The following TRAPPC9 variants were observed in gnomAD, a reference collection of about 807,000 sequenced individuals.
TRAPPC9 encodes the protein IKK2 binding protein.
A neutral mutation model predicts 124.0 loss-of-function variants in TRAPPC9; 83 were observed. The ratio of observed to expected loss-of-function variants is 0.67; its 90% CI spans 0.56 to 0.80. The LOEUF is 0.80. Among genes scored for constraint, TRAPPC9 ranks in the 30% least tolerant of loss-of-function variants. TRAPPC9 has a pLI of 0.00. For synonymous variants in TRAPPC9, 638 were observed against 617.5 expected, an observed-to-expected ratio of 1.03 and a Z score of -0.49; for missense variants, 1,302 against 1,508.3, an observed-to-expected ratio of 0.86 and a Z score of 2.27.
At chr8:140,222,382 C>T (rs1341111506) in intron 16 of TRAPPC9, among the ~76,000 whole-genome samples, 3 of 152,170 alleles carry the variant, frequency 2.0e-5, no homozygotes, top group African/African-American at 7.2e-5. Context: ...CATCTCACGT[C>T]GCATGTCCAA....
rs188102861 is a variant in TRAPPC9, at chr8:139,849,280, T to C, written c.3055+36599A>G. Among the ~76,000 whole-genome samples the C allele has an allele frequency of 4.6e-5, 7 of 152,350 alleles. No individual in the cohort carries two copies. In the East Asian group the frequency reaches 1.4e-3, roughly 29 times the overall value. On this transcript the variant is annotated intron_variant, in intron 21 of 22. Transcript: ENST00000438773. ...TTGGGCCATTAAGACACTGCTCTCT[T>C]GACACCAGGAGAGGTTCCCTGTTGA...
chr8:139,983,868 A>G (rs2131680052), intron 19 of TRAPPC9, among the ~76,000 whole-genome samples: 1 of 152,294 alleles, frequency 6.6e-6, no homozygotes, highest in East Asian at 1.9e-4. Context: ...ACGGGGTTCC[A>G]CAAAGTGGCT....
intron 17 of TRAPPC9, among the ~76,000 whole-genome samples, chr8:140,138,092 G>A (rs979528757): frequency 6.6e-6 from 1 of 152,206 alleles, no homozygotes; most frequent in African/African-American, 2.4e-5. Context: ...CTTAAGGTCA[G>A]GAGTTTGAGA....
chr8:139,902,028 G>A (rs1461728703), intron 20 of TRAPPC9, among the ~76,000 whole-genome samples: 4 of 152,132 alleles, frequency 2.6e-5, no homozygotes, highest in Admixed American at 2.0e-4. Context: ...CATAAGCTAC[G>A]CATGCTCACA....
At chr8:140,214,139 G>A (rs1322984897) in intron 17 of TRAPPC9, among the ~76,000 whole-genome samples, 3 of 152,222 alleles carry the variant, frequency 2.0e-5, no homozygotes, top group African/African-American at 4.8e-5. Flanking sequence ...GGGCATTTCT[G>A]CAGCCCCAGT....
At chr8:139,954,457 C>T (rs1303211849) in intron 19 of TRAPPC9, among the ~76,000 whole-genome samples, 1 of 152,078 alleles carries the variant, frequency 6.6e-6, no homozygotes, top group Non-Finnish European at 1.5e-5. Context: ...GGATTAGTGT[C>T]CTTATAAGAA....
intron 8 of TRAPPC9, among the ~76,000 whole-genome samples, chr8:140,366,718 T>C (rs923182534): frequency 2.0e-5 from 3 of 152,170 alleles, no homozygotes; most frequent in African/African-American, 7.2e-5. Context: ...AAAGAAAGAA[T>C]TGATAAGCTA....
chr8:140,402,658 T>C (rs1202354904), intron 6 of TRAPPC9, among the ~76,000 whole-genome samples: 1 of 150,510 alleles, frequency 6.6e-6, no homozygotes. Context: ...ATCACGCCAC[T>C]GCACTCCAGC....
upstream of TRAPPC9, chr8:140,458,198 A>G: frequency 6.5e-7 from 1 of 1,549,794 alleles, no homozygotes; most frequent in Non-Finnish European, 8.7e-7. Flanking sequence ...GGACCGGAGC[A>G]AGAGAACAGA....
At chr8:140,218,025 A>C (rs2063240432) in intron 17 of TRAPPC9, among the ~76,000 whole-genome samples, 1 of 152,144 alleles carries the variant, frequency 6.6e-6, no homozygotes, top group Non-Finnish European at 1.5e-5. Context: ...TCCAAAAAAA[A>C]AAAAAAGTCA....
intron 18 of TRAPPC9, among the ~76,000 whole-genome samples, chr8:139,989,232 A>G (rs76962479): frequency 1.2e-3 from 177 of 152,330 alleles, no homozygotes; most frequent in African/African-American, 4.0e-3. Context: ...CCATTCAAGG[A>G]TGCTGTGTCC....
chr8:140,435,227 T>C lies in TRAPPC9; in HGVS notation c.744A>G (p.Gly248=). The C allele has an allele frequency of 6.2e-7, 1 of 1,613,758 alleles. No individual in the cohort carries two copies. The change falls in exon 4 of 23, where the codon GGA becomes GGG. Residue 248 remains glycine (G), a synonymous_variant. Coordinates refer to ENST00000438773, the MANE Select transcript of TRAPPC9 (RefSeq NM_001160372.4). ...DFLWLGAALE[G]LCSASVIYHY... ...GATAGATGACAGAAGCTGAACACAATCCTTCCAGGGCAGCTGGGCATTAAG... is the reference window on the plus strand; with the variant it reads ...GATAGATGACAGAAGCTGAACACAACCCTTCCAGGGCAGCTGGGCATTAAG...
In TRAPPC9 at chr8:140,422,248, C is replaced by T. The variant is rs73713126; in HGVS notation, c.886+4367G>A. ...TCCTAGAATCGTGAAGATTAAATTG[C>T]TTTAGGTGTAAAGTTTATATAGAGC... On this transcript the variant is annotated intron_variant, in intron 5 of 22. Coordinates refer to ENST00000438773, the MANE Select transcript of TRAPPC9 (RefSeq NM_001160372.4). 8.0e-3 allele frequency among the ~76,000 whole-genome samples: 1,203 copies of T among 150,542 alleles called. 11 individuals are homozygous for T. Among genetic ancestry groups the T allele is most frequent in the African/African-American group, 0.026 (1,034 of 40,302 alleles).
At chr8:139,846,717 G>A (rs554376477) in intron 21 of TRAPPC9, among the ~76,000 whole-genome samples, 2 of 152,156 alleles carry the variant, frequency 1.3e-5, no homozygotes, top group African/African-American at 2.4e-5. Context: ...AGGCCATCCC[G>A]GAGTTGGGCA....
At chr8:139,835,639 C>T (rs1487979323) in intron 21 of TRAPPC9, among the ~76,000 whole-genome samples, 1 of 152,184 alleles carries the variant, frequency 6.6e-6, no homozygotes, top group Non-Finnish European at 1.5e-5. Flanking sequence ...GGACAGCAGA[C>T]AAGAGACACT....
intron 21 of TRAPPC9, among the ~76,000 whole-genome samples, chr8:139,803,051 T>C (rs1298152912): frequency 6.6e-6 from 1 of 152,184 alleles, no homozygotes; most frequent in Non-Finnish European, 1.5e-5. Context: ...TGAAGGTGTC[T>C]GTGTGCCGTC....
intron 17 of TRAPPC9, among the ~76,000 whole-genome samples, chr8:140,193,744 T>C (rs2062560002): frequency 6.6e-6 from 1 of 151,934 alleles, no homozygotes; most frequent in African/African-American, 2.4e-5. Flanking sequence ...AGCATGCACT[T>C]TGAGGTCAGG....
At chr8:140,159,280 G>T (rs1011681278) in intron 17 of TRAPPC9, among the ~76,000 whole-genome samples, 2 of 152,174 alleles carry the variant, frequency 1.3e-5, no homozygotes, top group African/African-American at 4.8e-5. Context: ...CTACCAGAAT[G>T]CAGGCTCTAC....
chr8:140,360,162 C>T lies in TRAPPC9; in HGVS notation c.1383G>A (p.Met461Ile), dbSNP rs1304127425. The change falls in exon 9 of 23, where the codon ATG (methionine) becomes ATA (isoleucine). Residue 461 changes from methionine (M) to isoleucine (I), a missense_variant. Met to Ile is a conservative substitution (Grantham distance 10). Transcript: ENST00000438773. Reference protein sequence around the residue: ...GTHRGWAAVQMRLLHELVYAS... With the variant: ...GTHRGWAAVQIRLLHELVYAS... Reference sequence around the variant, plus strand: ...CGTAGACCAATTCATGGAGCAAACGCATCTGGACCGCAGCCCAGCCTCTGT... The same window carrying T: ...CGTAGACCAATTCATGGAGCAAACGTATCTGGACCGCAGCCCAGCCTCTGT... 1.2e-6 allele frequency: 2 copies of T among 1,614,098 alleles called. No individual in the cohort carries two copies. Among genetic ancestry groups the T allele is most frequent in the African/African-American group, 2.7e-5 (2 of 74,932 alleles).
Sources: gnomAD v4.1 joint callset for allele counts (sites outside exome capture counted in the v4.1 genomes callset) on GRCh38, gnomAD v4.1.1 for gene constraint, MANE v1.5 for transcripts, NCBI Gene and HGNC (gene_info 2026-07-23, HGNC 2026-07-21) for gene names.